ZNF177: variants seen among roughly 807,000 people sequenced by gnomAD.
The protein encoded by ZNF177 is zinc finger protein 177.
A neutral mutation model predicts 19.4 loss-of-function variants in ZNF177; 17 were observed. The ratio of observed to expected loss-of-function variants is 0.87; its 90% CI spans 0.60 to 1.31. The LOEUF (loss-of-function observed/expected upper bound fraction) is 1.31, where lower values mean the gene tolerates loss of function less well. Among genes scored for constraint, ZNF177 ranks in the 40% most tolerant of loss-of-function variants. The pLI, the probability that ZNF177 is intolerant of heterozygous loss-of-function variation, is 0.00. For synonymous variants in ZNF177, 220 were observed against 188.7 expected, an observed-to-expected ratio of 1.17 and a Z score of -1.36; for missense variants, 633 against 561.8, an observed-to-expected ratio of 1.13 and a Z score of -1.28.
At chr19:9,371,286 T>TA (rs1376269511) in intron 2 of ZNF177, among the ~76,000 whole-genome samples, 1 of 152,136 alleles carries the variant, frequency 6.6e-6, no homozygotes, top group Non-Finnish European at 1.5e-5. Context: ...ATTTTTTTTT[T>TA]ATTTTAGACC....
chr19:9,379,927 T>A (rs2068168226), intron 4 of ZNF177, 130 bp from the exon 7 acceptor site: 2 of 1,096,922 alleles, frequency 1.8e-6, no homozygotes, highest in South Asian at 3.5e-5. Context: ...AATCACTGGT[T>A]GTGTCTTCTT....
At chr19:9,381,438 A>C (rs1263496232) in exon 6 of ZNF177, 7 of 1,611,580 alleles carry the variant, frequency 4.3e-6, no homozygotes, top group Non-Finnish European at 5.9e-6. Context: ...AACCCTATGA[A>C]TGCAGTGACT....
intron 2 of ZNF177, among the ~76,000 whole-genome samples, chr19:9,369,864 ACTC>A (rs2068025920): frequency 6.6e-6 from 1 of 152,044 alleles, no homozygotes; most frequent in South Asian, 2.1e-4. Flanking sequence ...GGAACATACT[ACTC>A]AATCACCTCC....
exon 6 of ZNF177, chr19:9,380,803 A>G: frequency 6.5e-7 from 1 of 1,536,160 alleles, no homozygotes; most frequent in South Asian, 1.2e-5. Flanking sequence ...CAAAGTCTTC[A>G]ACCATCCCTC....
chr19:9,376,179 G>A (rs1441944581), upstream of ZNF177: 1 of 152,186 alleles, frequency 6.6e-6, no homozygotes, highest in Non-Finnish European at 1.5e-5. Flanking sequence ...CTGTCACCCA[G>A]GCTGGAGTGC....
At chr19:9,364,885 G>A (rs2067956815) in exon 2 of ZNF177, 1 of 152,252 alleles carries the variant, frequency 6.6e-6, no homozygotes, top group Non-Finnish European at 1.5e-5. Flanking sequence ...TAAGCAAGAA[G>A]AGGGCCTGGG....
At chr19:9,363,557 T>C (rs897304651) in intron 1 of ZNF177, among the ~76,000 whole-genome samples, 13 of 152,258 alleles carry the variant, frequency 8.5e-5, no homozygotes, top group African/African-American at 3.1e-4. Flanking sequence ...CTTGTGCATG[T>C]TTTTTCGTAT....
At chr19:9,363,488 C>T (rs1260181804) in intron 1 of ZNF177, among the ~76,000 whole-genome samples, 1 of 151,940 alleles carries the variant, frequency 6.6e-6, no homozygotes, top group Non-Finnish European at 1.5e-5. Context: ...TTTTTTTCCC[C>T]TCTGTTATGT....
At chr19:9,381,035 G>GTTT in exon 6 of ZNF177, 24 of 1,600,198 alleles carry the variant, frequency 1.5e-5, no homozygotes, top group Non-Finnish European at 1.8e-5. Flanking sequence ...GATGAATGCA[G>GTTT]TGACTATGGC....
intron 4 of ZNF177, among the ~76,000 whole-genome samples, 188 bp from the exon 7 acceptor site, chr19:9,379,865 CCTTT>C (rs1351023815): frequency 6.7e-6 from 1 of 148,788 alleles, no homozygotes; most frequent in Non-Finnish European, 1.5e-5. Flanking sequence ...CCTCCACAAT[CCTTT>C]CTAACTAAAA....
At chr19:9,364,001 A>G (rs972699713) in intron 1 of ZNF177, among the ~76,000 whole-genome samples, 1 of 152,208 alleles carries the variant, frequency 6.6e-6, no homozygotes, top group Non-Finnish European at 1.5e-5. Flanking sequence ...CTTTATTGAC[A>G]TAAAATCATA....
chr19:9,380,953 C>T lies in ZNF177; in HGVS notation c.622C>T (p.Gln208Ter). ...AGGACAGAAGTTTCAGGAGTATGAGCAATGTGATATGTCCTTCAGCCTACA... is the reference window on the plus strand; with the variant it reads ...AGGACAGAAGTTTCAGGAGTATGAGTAATGTGATATGTCCTTCAGCCTACA... Residue 208 changes from glutamine (Q) to a stop codon, truncating the protein, a stop_gained, in exon 6 of 6, where the codon CAA becomes TAA. Coordinates refer to ENST00000589262, the Ensembl canonical transcript of ZNF177. LOFTEE classifies it low-confidence loss of function (END_TRUNC). 1 of 1,538,306 alleles carries T rather than the reference C, an allele frequency of 6.5e-7. No homozygotes were observed.
chr19:9,371,120 G>C (rs1038740277), intron 2 of ZNF177, among the ~76,000 whole-genome samples: 4 of 152,120 alleles, frequency 2.6e-5, no homozygotes, highest in Admixed American at 6.6e-5. Flanking sequence ...CAGACATCCT[G>C]TCATTTCATC....
chr19:9,373,138 C>G (rs2068068609), upstream of ZNF177, among the ~76,000 whole-genome samples: 1 of 152,136 alleles, frequency 6.6e-6, no homozygotes, highest in African/African-American at 2.4e-5. Context: ...ACCCATTGAC[C>G]AACATCTCCC....
At chr19:9,379,075 C>G (rs775601195) in exon 3 of ZNF177, 11 of 1,607,942 alleles carry the variant, frequency 6.8e-6, no homozygotes, top group Non-Finnish European at 9.4e-6. Context: ...ACTTTAGGAA[C>G]CTGGCCTCAG....
chr19:9,368,831 TATTC>T (rs2068012404), intron 2 of ZNF177, among the ~76,000 whole-genome samples: 1 of 152,162 alleles, frequency 6.6e-6, no homozygotes, highest in African/African-American at 2.4e-5. Context: ...AAACCACTAA[TATTC>T]AACCATATTT....
intron 2 of ZNF177, among the ~76,000 whole-genome samples, chr19:9,368,009 G>C (rs2068002353): frequency 6.6e-6 from 1 of 152,116 alleles, no homozygotes; most frequent in South Asian, 2.1e-4. Context: ...CTAATCTCTG[G>C]AATATTTTCA....
At chr19:9,382,132 G>T (rs1599398288) in exon 6 of ZNF177, 1 of 399,768 alleles carries the variant, frequency 2.5e-6, no homozygotes. Context: ...ACTAGTTGCT[G>T]TCTCAATATC....
At chr19:9,379,005 A>G (rs2068150762) in exon 3 of ZNF177, 2 of 1,610,380 alleles carry the variant, frequency 1.2e-6, no homozygotes, top group African/African-American at 1.3e-5. Flanking sequence ...TTTTCCCAGG[A>G]GGAGTGGGCA....
Sources: gnomAD v4.1 joint callset for allele counts (sites outside exome capture counted in the v4.1 genomes callset) on GRCh38, gnomAD v4.1.1 for gene constraint, MANE v1.5 for transcripts, NCBI Gene and HGNC (gene_info 2026-07-23, HGNC 2026-07-21) for gene names.